The following CRTC1 variants were observed in gnomAD, a reference collection of about 807,000 sequenced individuals.
The protein encoded by CRTC1 is CREB regulated transcription coactivator 1.
CRTC1 carries 18 observed loss-of-function variants against 66.1 expected under a neutral mutation model. That is an observed-to-expected ratio of 0.27 (90% CI 0.19 to 0.40). CRTC1 has a LOEUF of 0.40. Among genes scored for constraint, CRTC1 ranks in the 10% least tolerant of loss-of-function variants. The pLI is 1.00. For missense variants in CRTC1, 669 were observed against 887.9 expected (o/e 0.75, Z 3.13); for synonymous variants, 416 against 398.8 (o/e 1.04, Z -0.51).
chr19:18,750,945 C>T (rs758656585), intron 5 of CRTC1, among the ~76,000 whole-genome samples: 5 of 152,110 alleles, frequency 3.3e-5, no homozygotes, highest in African/African-American at 7.2e-5. Context: ...ACAGCACGTC[C>T]GAGGGGTGGG....
chr19:18,712,595 A>G (rs947401315), intron 1 of CRTC1, among the ~76,000 whole-genome samples: 1 of 152,182 alleles, frequency 6.6e-6, no homozygotes, highest in Non-Finnish European at 1.5e-5. Context: ...ATTTAGTGGC[A>G]TTTAGTACCT....
At chr19:18,719,926 G>A (rs1355056150) in intron 1 of CRTC1, among the ~76,000 whole-genome samples, 2 of 152,234 alleles carry the variant, frequency 1.3e-5, no homozygotes, top group East Asian at 3.8e-4. Context: ...GGGCAGCGTC[G>A]GCGTCGGGCT....
At chr19:18,766,625 A>G (rs767764694) in intron 9 of CRTC1, among the ~76,000 whole-genome samples, 15 of 143,502 alleles carry the variant, frequency 1.0e-4, no homozygotes, top group Non-Finnish European at 1.8e-4. Flanking sequence ...AAAAAAAATA[A>G]TAATAGAGAT....
Position 18,777,751 on chromosome 19 carries a change from G to T in CRTC1, c.*369G>T, listed in dbSNP as rs1186842543. On this transcript the variant is annotated 3_prime_UTR_variant, in exon 14 of 14. Transcript: ENST00000321949. The surrounding 1 kb of genome is among the most constrained non-coding windows in gnomAD (Gnocchi z 5.5). ...GCGGGCAGGCTCAGGGGAGGGGCGC[G>T]CATGGTCCGCCAGGGCTGTGGGCCG... 2 of 344,346 alleles carry T rather than the reference G, an allele frequency of 5.8e-6. No homozygotes were observed. Among genetic ancestry groups the T allele is most frequent in the Non-Finnish European group, 5.4e-6 (1 of 185,724 alleles). The allele number at this position is 344,346 out of a possible 1,614,324, so 21.3% of individuals were successfully genotyped here.
In CRTC1 at chr19:18,760,298, G is replaced by T; in HGVS notation, c.886+70G>T. On this transcript the variant is annotated intron_variant, in intron 8 of 13. Coordinates refer to ENST00000321949, the MANE Select transcript of CRTC1 (RefSeq NM_015321.3). This position sits in a 1 kb window ranked among gnomAD's most constrained non-coding sequence, Gnocchi z 6.2. Reference sequence around the variant, plus strand: ...GAGACAACACGGGCATCTGCAGGATGACTTGGCAGAGTCCCGTTCCAAATA... The same window carrying T: ...GAGACAACACGGGCATCTGCAGGATTACTTGGCAGAGTCCCGTTCCAAATA... 1 of 1,297,090 alleles carries T rather than the reference G, an allele frequency of 7.7e-7. No homozygotes were observed. The highest frequency in any genetic ancestry group is 1.3e-5 in the South Asian group (1 of 77,464). The allele number at this position is 1,297,090 out of a possible 1,614,324, so 80.3% of individuals were successfully genotyped here.
intron 1 of CRTC1, among the ~76,000 whole-genome samples, chr19:18,722,233 C>T (rs145838818): frequency 8.5e-5 from 13 of 152,312 alleles, no homozygotes; most frequent in African/African-American, 2.6e-4. Context: ...TTGTCTGGGG[C>T]CCCTTGGCTG....
Position 18,745,914 on chromosome 19 carries a change from G to T in CRTC1, c.335G>T (p.Gly112Val). The T allele has an allele frequency of 6.2e-7, 1 of 1,612,946 alleles. No homozygotes were observed. The highest frequency in any genetic ancestry group is 8.5e-7 in the Non-Finnish European group (1 of 1,179,716). Reference protein sequence around the residue: ...DRVYRERGRLGSPHRRPLSVD... With the variant: ...DRVYRERGRLVSPHRRPLSVD... ...GTGTACCGGGAGCGTGGCCGGCTCG[G>T]CTCCCCACACCGCCGGCCCCTGTCA... The change falls in exon 3 of 14, where the codon GGC becomes GTC. Residue 112 changes from glycine to valine, a missense_variant. Gly to Val is a moderately radical substitution (Grantham distance 109). Around this residue, in one of 8 missense-constraint regions of CRTC1, gnomAD observed 214 missense variants for 323.4 expected, o/e 0.66. Transcript: ENST00000321949.
intron 11 of CRTC1, among the ~76,000 whole-genome samples, chr19:18,774,585 G>A (rs766027309): frequency 6.6e-6 from 1 of 152,222 alleles, no homozygotes; most frequent in Non-Finnish European, 1.5e-5. Flanking sequence ...TTGGGTGGGG[G>A]TTCCTCATCC....
intron 1 of CRTC1, among the ~76,000 whole-genome samples, chr19:18,697,709 T>A (rs2053027421): frequency 6.6e-6 from 1 of 152,212 alleles, no homozygotes; most frequent in African/African-American, 2.4e-5. Flanking sequence ...TGAAGGCATC[T>A]GGTGTATCTG....
chr19:18,746,007 T>C (rs1461265497), intron 3 of CRTC1, 47 bp downstream of exon 3: 6 of 1,562,986 alleles, frequency 3.8e-6, no homozygotes, highest in Non-Finnish European at 5.2e-6. Context: ...GCCCTGTCGG[T>C]GCCGGCAGGA....
At chr19:18,714,778 C>T (rs143938328) in intron 1 of CRTC1, among the ~76,000 whole-genome samples, 39 of 152,318 alleles carry the variant, frequency 2.6e-4, no homozygotes, top group East Asian at 2.1e-3. Context: ...TGATGACCCC[C>T]GGGGAACCTC....
At chr19:18,723,085 C>T (rs946328159) in intron 1 of CRTC1, among the ~76,000 whole-genome samples, 3 of 152,098 alleles carry the variant, frequency 2.0e-5, no homozygotes, top group African/African-American at 7.2e-5. Context: ...GGATTACAGG[C>T]ATGGGGCACC....
rs578128912 is a variant in CRTC1, at chr19:18,746,492, C to A, written c.381+532C>A. On this transcript the variant is annotated intron_variant, in intron 3 of 13. Transcript: ENST00000321949. ...TCAGCCAGAGTCCCCCCCTCCCCCC[C>A]AACTCAGCCGCCCCTTGGTGCTCAG... 2.6e-5 allele frequency among the ~76,000 whole-genome samples: 4 copies of A among 150,978 alleles called. No individual in the cohort carries two copies. In the South Asian group the frequency reaches 6.3e-4, roughly 24 times the overall value.
intron 1 of CRTC1, among the ~76,000 whole-genome samples, chr19:18,715,797 T>G (rs1351201697): frequency 2.0e-5 from 3 of 152,190 alleles, no homozygotes; most frequent in Non-Finnish European, 2.9e-5. Context: ...TTGGCCTGTT[T>G]GGAGGTTTGT....
intron 6 of CRTC1, 38 bp downstream of exon 6, chr19:18,753,623 TTTCTC>T (rs1469213230): frequency 6.7e-6 from 10 of 1,502,012 alleles, no homozygotes; most frequent in African/African-American, 2.8e-5. Context: ...TTTTTTCTTC[TTTCTC>T]TTCTCAAGCA....
At chr19:18,746,709 C>G (rs910800133) in intron 3 of CRTC1, among the ~76,000 whole-genome samples, 1 of 152,178 alleles carries the variant, frequency 6.6e-6, no homozygotes, top group African/African-American at 2.4e-5. Context: ...AGAGTCCAGA[C>G]CAGGGTCAGC....
In CRTC1 at chr19:18,768,941, A is replaced by AG; in HGVS notation, c.1320+148_1320+149insG. 2.0e-6 allele frequency: 2 copies of AG among 1,013,472 alleles called. No homozygotes were observed. The highest frequency in any genetic ancestry group is 2.8e-6 in the Non-Finnish European group (2 of 712,650). The allele number at this position is 1,013,472 out of a possible 1,614,324, so 62.8% of individuals were successfully genotyped here. A position where few individuals can be genotyped will look rare whatever the true frequency, so the allele number is the denominator to read the frequency against. ...CCTGGGCCCACCTCTCCACGGGGCT[A>AG]CCCCTTGGAATCAAACTGAGACTGT... On this transcript the variant is annotated intron_variant, in intron 10 of 13. Coordinates refer to ENST00000321949, the MANE Select transcript of CRTC1 (RefSeq NM_015321.3). The surrounding 1 kb of genome is among the most constrained non-coding windows in gnomAD (Gnocchi z 5.6).
In CRTC1 at chr19:18,781,859, G is replaced by A. The variant is rs1422007761; in HGVS notation, c.*4477G>A. On this transcript the variant is annotated 3_prime_UTR_variant, in exon 14 of 14. Transcript: ENST00000321949. Reference sequence around the variant, plus strand: ...GGACAGGTGGCATGTGTTGGGGTCGGGGGATGGCCCCCATCTCGAAGTGTT... The same window carrying A: ...GGACAGGTGGCATGTGTTGGGGTCGAGGGATGGCCCCCATCTCGAAGTGTT... 4.3e-6 allele frequency: 1 copy of A among 230,664 alleles called. No homozygotes were observed. Among genetic ancestry groups the A allele is most frequent in the African/African-American group, 2.2e-5 (1 of 45,172 alleles). The allele number at this position is 230,664 out of a possible 1,614,324, so 14.3% of individuals were successfully genotyped here. A position where few individuals can be genotyped will look rare whatever the true frequency, so the allele number is the denominator to read the frequency against.
chr19:18,685,817 C>CGGAA (rs992405927), intron 1 of CRTC1, among the ~76,000 whole-genome samples: 1 of 152,010 alleles, frequency 6.6e-6, no homozygotes, highest in Admixed American at 6.6e-5. Flanking sequence ...GCAGTGTGAC[C>CGGAA]GGAAGAAAGG....
Sources: gnomAD v4.1 joint callset for allele counts (sites outside exome capture counted in the v4.1 genomes callset) on GRCh38, gnomAD v4.1.1 for gene constraint, gnomAD v4.1.1 regional missense constraint, Gnocchi (gnomAD v3.1) non-coding constraint, MANE v1.5 for transcripts, NCBI Gene and HGNC (gene_info 2026-07-23, HGNC 2026-07-21) for gene names.